Variants in BTD observed in about 807,000 individuals in gnomAD.
The protein encoded by BTD is biotinidase, also known as biocytinase.
In BTD, 13 loss-of-function variants were observed where a neutral mutation model predicts 17.7. The observed-to-expected ratio is 0.74, with a 90% CI of 0.48 to 1.17. BTD has a LOEUF of 1.17. BTD is among the 50% of genes most tolerant of loss of function. The probability of loss-of-function intolerance (pLI) is 0.00; values close to 1 mark genes in which losing one functional copy is unlikely to be tolerated. For synonymous variants in BTD, 240 were observed against 245.2 expected, an observed-to-expected ratio of 0.98 and a Z score of 0.20; for missense variants, 674 against 650.4, an observed-to-expected ratio of 1.04 and a Z score of -0.39.
chr3:15,657,826 A>C (rs2065885700), downstream of BTD, among the ~76,000 whole-genome samples: 1 of 109,640 alleles, frequency 9.1e-6, no homozygotes, highest in Non-Finnish European at 1.8e-5. Flanking sequence ...AGCAACACTG[A>C]AAAAAAAAAA....
chr3:15,659,861 C>T (rs964682131), intron 3 of BTD, among the ~76,000 whole-genome samples: 1 of 152,072 alleles, frequency 6.6e-6, no homozygotes, highest in Admixed American at 6.5e-5. Flanking sequence ...ATAGGTCATC[C>T]TACTAATGAC....
At chr3:15,643,638 A>C (rs1255181883) in intron 3 of BTD, among the ~76,000 whole-genome samples, 1 of 152,196 alleles carries the variant, frequency 6.6e-6, no homozygotes, top group Non-Finnish European at 1.5e-5. Flanking sequence ...TTTGTGGGTC[A>C]CTTTTCTTTG....
chr3:15,690,386 A>T (rs1286607228), intron 3 of BTD, among the ~76,000 whole-genome samples: 1 of 152,230 alleles, frequency 6.6e-6, no homozygotes, highest in East Asian at 1.9e-4. Flanking sequence ...GATCTTTCTA[A>T]TAATCAACAT....
At chr3:15,687,088 G>A (rs1438139469) in intron 3 of BTD, among the ~76,000 whole-genome samples, 3 of 151,698 alleles carry the variant, frequency 2.0e-5, no homozygotes, top group Non-Finnish European at 4.4e-5. Flanking sequence ...GATTACAGGC[G>A]CCTGCCACCA....
chr3:15,675,478 T>G (rs560397076), intron 3 of BTD, among the ~76,000 whole-genome samples: 54 of 152,212 alleles, frequency 3.5e-4, no homozygotes, highest in African/African-American at 1.3e-3. Context: ...GCGAAAAATG[T>G]TACTCCAGGA....
At position 15,652,066 on chromosome 3, in the gene BTD, C is replaced by T. The variant is rs1019859737; in HGVS notation, c.*6578C>T. Among the ~76,000 whole-genome samples, 19 of 152,194 alleles carry T rather than the reference C, an allele frequency of 1.2e-4. No homozygotes were observed. Among genetic ancestry groups the T allele is most frequent in the African/African-American group, 4.6e-4 (19 of 41,450 alleles). On this transcript the variant is annotated 3_prime_UTR_variant, in exon 4 of 4. Transcript: ENST00000643237. The stretch of plus-strand genomic sequence containing the variant: ...ACTGCAGACCGGGCACGGTGGCTTA[C>T]GCCTGTAATCCCAGCACTTTGGGAG...
intron 1 of BTD, among the ~76,000 whole-genome samples, chr3:15,623,103 C>G (rs1396128137): frequency 2.0e-5 from 3 of 152,210 alleles, no homozygotes; most frequent in Non-Finnish European, 4.4e-5. Flanking sequence ...TTTCATGAGA[C>G]TTATTCACTA....
chr3:15,648,562 C>G lies in BTD; in HGVS notation c.*3074C>G, dbSNP rs1217187534. Among the ~76,000 whole-genome samples the G allele has an allele frequency of 6.6e-6, 1 of 152,192 alleles. No homozygotes were observed. The highest frequency in any genetic ancestry group is 1.5e-5 in the Non-Finnish European group (1 of 68,034). On this transcript the variant is annotated 3_prime_UTR_variant, in exon 4 of 4. Transcript: ENST00000643237. The stretch of plus-strand genomic sequence containing the variant: ...GCAGGAAAGCGGGTCTCTCATGAGG[C>G]TACAGTCAAGATGTCAGCCGAGGTG...
intron 3 of BTD, chr3:15,676,030 T>A: frequency 6.6e-7 from 1 of 1,508,954 alleles, no homozygotes; most frequent in Non-Finnish European, 9.1e-7. Context: ...TATGTGCATG[T>A]GCATGCACAT....
At chr3:15,687,938 G>GA (rs1411659647) in intron 3 of BTD, among the ~76,000 whole-genome samples, 7 of 151,668 alleles carry the variant, frequency 4.6e-5, no homozygotes, top group Non-Finnish European at 7.4e-5. Context: ...AAACCTCCAG[G>GA]AAAAAAAACC....
At chr3:15,637,095 C>T (rs568038293) in intron 2 of BTD, among the ~76,000 whole-genome samples, 9 of 152,264 alleles carry the variant, frequency 5.9e-5, no homozygotes, top group Admixed American at 1.3e-4. Flanking sequence ...TCCCTTATCA[C>T]GGCATGCCAT....
At chr3:15,716,643 A>G (rs1347621790), downstream of BTD, among the ~76,000 whole-genome samples, 1 of 152,108 alleles carries the variant, frequency 6.6e-6, no homozygotes, top group Non-Finnish European at 1.5e-5. Flanking sequence ...TAAGAAGGAT[A>G]AGAAAAACAA....
intron 3 of BTD, among the ~76,000 whole-genome samples, chr3:15,664,314 A>G (rs905552165): frequency 6.6e-6 from 1 of 152,210 alleles, no homozygotes; most frequent in African/African-American, 2.4e-5. Flanking sequence ...TGTTAAGTGC[A>G]TTGGTCAAAT....
chr3:15,698,673 C>G (rs1235958524), intron 3 of BTD, among the ~76,000 whole-genome samples: 1 of 152,114 alleles, frequency 6.6e-6, no homozygotes, highest in South Asian at 2.1e-4. Context: ...CCTAGGAATC[C>G]AACTTACAGG....
chr3:15,685,821 T>C (rs1250822279), intron 3 of BTD, among the ~76,000 whole-genome samples: 1 of 152,246 alleles, frequency 6.6e-6, no homozygotes, highest in Non-Finnish European at 1.5e-5. Context: ...CATTGTTCTC[T>C]AGATTAAGTT....
At chr3:15,653,788 T>G (rs1250620406), downstream of BTD, among the ~76,000 whole-genome samples, 1 of 152,270 alleles carries the variant, frequency 6.6e-6, no homozygotes, top group Non-Finnish European at 1.5e-5. Flanking sequence ...ACTATGGATG[T>G]CTTGCAACTC....
intron 1 of BTD, among the ~76,000 whole-genome samples, chr3:15,617,026 G>T (rs1018699733): frequency 2.0e-5 from 3 of 152,040 alleles, no homozygotes; most frequent in Admixed American, 2.0e-4. Context: ...TAGAGACGGG[G>T]GTTTCACTAT....
At chr3:15,616,386 T>C (rs2470551) in intron 1 of BTD, among the ~76,000 whole-genome samples, 77,081 of 151,912 alleles carry the variant, frequency 0.51, 22,771 homozygotes, top group African/African-American at 0.81. Flanking sequence ...GAGGCCGAGG[T>C]GGGTGGATCA....
Position 15,651,631 on chromosome 3 carries a change from C to T in BTD, c.*6143C>T, listed in dbSNP as rs1456922317. On this transcript the variant is annotated 3_prime_UTR_variant, in exon 4 of 4. Transcript: ENST00000643237. Reference sequence around the variant, plus strand: ...CATATCCTGTCTCCTCTCTCTTCTCCGCTCCTGACTCCTGCTGCGGCCTCC... The same window carrying T: ...CATATCCTGTCTCCTCTCTCTTCTCTGCTCCTGACTCCTGCTGCGGCCTCC... Among the ~76,000 whole-genome samples, 2 of 152,318 alleles carry T rather than the reference C, an allele frequency of 1.3e-5. No homozygotes were observed. Among genetic ancestry groups the T allele is most frequent in the East Asian group, 1.9e-4 (1 of 5,186 alleles).
Sources: allele counts gnomAD v4.1 joint callset (sites outside exome capture counted in the v4.1 genomes callset), GRCh38; gene constraint gnomAD v4.1.1; transcripts MANE v1.5; gene names NCBI Gene and HGNC (gene_info 2026-07-23, HGNC 2026-07-21).